The following ATE1 variants were observed in gnomAD, a reference collection of about 807,000 sequenced individuals.
ATE1 encodes arginyltransferase 1.
ATE1 carries 36 observed loss-of-function variants against 70.5 expected under a neutral mutation model. The ratio of observed to expected loss-of-function variants is 0.51; its 90% CI spans 0.39 to 0.67. The LOEUF (loss-of-function observed/expected upper bound fraction) is 0.67, where lower values mean the gene tolerates loss of function less well. ATE1 is among the 30% of genes least tolerant of loss of function. The pLI is 0.00. For synonymous variants in ATE1, 232 were observed against 219.3 expected (o/e 1.06, Z -0.51); for missense variants, 593 against 629.5 (o/e 0.94, Z 0.62).
chr10:121,856,551 T>C (rs997707440), intron 8 of ATE1, among the ~76,000 whole-genome samples: 11 of 152,144 alleles, frequency 7.2e-5, no homozygotes, highest in African/African-American at 2.4e-4. Context: ...AGTAATAATA[T>C]AGACATCTTG....
At chr10:121,899,555 G>GA (rs57157825) in intron 7 of ATE1, among the ~76,000 whole-genome samples, 7 of 152,238 alleles carry the variant, frequency 4.6e-5, no homozygotes, top group African/African-American at 1.7e-4. Flanking sequence ...ATAGTTTCCT[G>GA]AGTTTTCCTC....
At chr10:121,881,002 T>C (rs1241007977) in intron 7 of ATE1, among the ~76,000 whole-genome samples, 1 of 152,226 alleles carries the variant, frequency 6.6e-6, no homozygotes, top group East Asian at 1.9e-4. Flanking sequence ...CTTAACTCAT[T>C]GTATGTAAAT....
At chr10:121,817,340 A>C (rs1947588663) in intron 10 of ATE1, among the ~76,000 whole-genome samples, 1 of 152,230 alleles carries the variant, frequency 6.6e-6, no homozygotes, top group Non-Finnish European at 1.5e-5. Flanking sequence ...GGAGATCGAG[A>C]CCACGGTGAA....
At chr10:121,841,355 G>A (rs747535249) in intron 8 of ATE1, 92 bp from the exon 9 acceptor site, 35 of 932,992 alleles carry the variant, frequency 3.8e-5, no homozygotes, top group Non-Finnish European at 4.5e-5. Context: ...AGGTTAATAA[G>A]TCCTTAACTT....
intron 9 of ATE1, among the ~76,000 whole-genome samples, chr10:121,838,724 G>C (rs187309589): frequency 2.6e-5 from 4 of 152,220 alleles, no homozygotes; most frequent in Non-Finnish European, 5.9e-5. Context: ...TCATGTCTAT[G>C]AGTGTAATTA....
At chr10:121,927,140 GCAA>G in intron 1 of ATE1, 1 of 985,362 alleles carries the variant, frequency 1.0e-6, no homozygotes, top group Non-Finnish European at 1.2e-6. Context: ...TTGTTTACCA[GCAA>G]CAAATCTCCC....
chr10:121,848,040 T>C (rs1948904815), intron 8 of ATE1, among the ~76,000 whole-genome samples: 1 of 151,932 alleles, frequency 6.6e-6, no homozygotes, highest in South Asian at 2.1e-4. Flanking sequence ...CACTGAACCC[T>C]GGCCTGGGCG....
At chr10:121,759,374 A>C (rs1944939128) in intron 11 of ATE1, among the ~76,000 whole-genome samples, 1 of 152,220 alleles carries the variant, frequency 6.6e-6, no homozygotes, top group Non-Finnish European at 1.5e-5. Flanking sequence ...AAAAGGCGGA[A>C]GCTAGGAGAG....
intron 7 of ATE1, among the ~76,000 whole-genome samples, chr10:121,871,392 G>A (rs1386817267): frequency 6.6e-6 from 1 of 152,152 alleles, no homozygotes. Flanking sequence ...CTGGTAGGTG[G>A]AGGTTGCAGT....
intron 8 of ATE1, among the ~76,000 whole-genome samples, chr10:121,858,573 G>C (rs957756022): frequency 3.4e-5 from 5 of 147,908 alleles, no homozygotes; most frequent in Non-Finnish European, 7.4e-5. Context: ...TTCTAACTAG[G>C]AACAAACACT....
Position 121,873,368 on chromosome 10 carries a change from G to A in ATE1, c.943-3330C>T, listed in dbSNP as rs543314092. Among the ~76,000 whole-genome samples, 40 of 152,196 alleles carry A rather than the reference G, an allele frequency of 2.6e-4. No homozygotes were observed. The South Asian group carries it at 7.7e-3, about 29-fold the overall frequency. ...AAGGATACACACAGACAGTGCTCAC[G>A]CTCCACAGCTTCTTACTGACCTTGC... On this transcript the variant is annotated intron_variant, in intron 7 of 11. Coordinates refer to ENST00000224652, the MANE Select transcript of ATE1 (RefSeq NM_001001976.3).
intron 8 of ATE1, among the ~76,000 whole-genome samples, chr10:121,845,837 T>C (rs186098532): frequency 3.8e-4 from 58 of 152,352 alleles, no homozygotes; most frequent in Middle Eastern, 3.4e-3. Context: ...TAGCTTAGTA[T>C]AGATGCACAG....
chr10:121,892,665 C>T (rs1310731917), intron 7 of ATE1, among the ~76,000 whole-genome samples: 2 of 151,912 alleles, frequency 1.3e-5, no homozygotes, highest in African/African-American at 4.8e-5. Flanking sequence ...TCCACCATGC[C>T]CAGCTAATTT....
chr10:121,893,257 A>G (rs1411714677), intron 7 of ATE1, among the ~76,000 whole-genome samples: 11 of 148,804 alleles, frequency 7.4e-5, no homozygotes, highest in Non-Finnish European at 1.6e-4. Context: ...AGCCTGGGTG[A>G]CAGAGTGAGA....
Position 121,743,499 on chromosome 10 carries a change from T to C in ATE1, c.*181A>G, listed in dbSNP as rs1414312317. 2.5e-6 allele frequency: 3 copies of C among 1,220,794 alleles called. No homozygotes were observed. Among genetic ancestry groups the C allele is most frequent in the Non-Finnish European group, 3.1e-6 (3 of 959,250 alleles). The allele number at this position is 1,220,794 out of a possible 1,614,324, so 75.6% of individuals were successfully genotyped here. On this transcript the variant is annotated 3_prime_UTR_variant, in exon 12 of 12. Transcript: ENST00000224652. ...TCATAATGCAGTTTTAAAATCTTTA[T>C]ATTAACTATGAGATTCTCACAGATA...
chr10:121,809,547 C>A (rs1019588600), intron 10 of ATE1, among the ~76,000 whole-genome samples: 1 of 152,086 alleles, frequency 6.6e-6, no homozygotes, highest in Non-Finnish European at 1.5e-5. Flanking sequence ...ATTTTTACTG[C>A]GAGTGCACCG....
At chr10:121,862,672 C>T (rs1336520772) in intron 8 of ATE1, among the ~76,000 whole-genome samples, 4 of 151,338 alleles carry the variant, frequency 2.6e-5, no homozygotes, top group African/African-American at 9.7e-5. Context: ...ACGCGCCAGG[C>T]CTCTTTTCTT....
At chr10:121,840,982 C>T (rs1554906204) in intron 9 of ATE1, 100 bp downstream of exon 9, 1 of 1,090,606 alleles carries the variant, frequency 9.2e-7, no homozygotes, top group Non-Finnish European at 1.2e-6. Flanking sequence ...AATACACTGT[C>T]AATTAGGACT....
chr10:121,759,540 G>T (rs963312019), intron 11 of ATE1, among the ~76,000 whole-genome samples: 1 of 151,960 alleles, frequency 6.6e-6, no homozygotes, highest in South Asian at 2.1e-4. Context: ...CGGCTAACAC[G>T]GTGAAACCCT....
Sources: allele counts gnomAD v4.1 joint callset (sites outside exome capture counted in the v4.1 genomes callset), GRCh38; gene constraint gnomAD v4.1.1; transcripts MANE v1.5; gene names NCBI Gene and HGNC (gene_info 2026-07-23, HGNC 2026-07-21).